The following PCDHGA8 variants were observed in gnomAD, a reference collection of about 807,000 sequenced individuals.
PCDHGA8 encodes protocadherin gamma-A8.
PCDHGA8 carries 45 observed loss-of-function variants against 59.2 expected under a neutral mutation model. The observed-to-expected ratio is 0.76, with a 90% CI of 0.60 to 0.98. The LOEUF is 0.98. Among genes scored for constraint, PCDHGA8 ranks in the 50% least tolerant of loss-of-function variants. PCDHGA8 has a pLI of 0.00. For missense variants in PCDHGA8, 1,257 were observed against 1,196.2 expected (o/e 1.05, Z -0.75); for synonymous variants, 531 against 519.0 (o/e 1.02, Z -0.32).
chr5:141,436,384 C>A lies in PCDHGA8; in HGVS notation c.2424+41147C>A, dbSNP rs1048094484. 2.6e-5 allele frequency among the ~76,000 whole-genome samples: 4 copies of A among 152,222 alleles called. 1 individual carries two copies. Among genetic ancestry groups the A allele is most frequent in the Non-Finnish European group, 4.4e-5 (3 of 67,978 alleles). On this transcript the variant is annotated intron_variant, in intron 1 of 3. Coordinates refer to ENST00000398604, the MANE Select transcript of PCDHGA8 (RefSeq NM_032088.2). The stretch of plus-strand genomic sequence containing the variant: ...ATGTTTCCAGTTTAAGCTGAATAGG[C>A]TTTATTAAATAGTTGTTGAATGAAT...
Position 141,417,818 on chromosome 5 carries a change from C to T in PCDHGA8, c.2424+22581C>T, listed in dbSNP as rs59981184. 5.7e-4 allele frequency: 859 copies of T among 1,512,530 alleles called. 1 individual carries two copies. The African/African-American group carries it at 0.011, about 19-fold the overall frequency. 93.7% of individuals were successfully genotyped at this position (1,512,530 alleles called of 1,614,324 possible). On this transcript the variant is annotated intron_variant, in intron 1 of 3. Coordinates refer to ENST00000398604, the MANE Select transcript of PCDHGA8 (RefSeq NM_032088.2). ...TTTAGCGCGGTAGAGTGCACTTTCTCCAACTGGAAAAGCGGGGACCCAGCG... is the reference window on the plus strand; with the variant it reads ...TTTAGCGCGGTAGAGTGCACTTTCTTCAACTGGAAAAGCGGGGACCCAGCG...
chr5:141,428,227 A>T (rs2154552643), intron 1 of PCDHGA8: 1 of 1,100,784 alleles, frequency 9.1e-7, no homozygotes, highest in Admixed American at 1.9e-5. Context: ...CTTCGCAGAC[A>T]GCCTGCAGGA....
Position 141,476,562 on chromosome 5 carries a change from C to G in PCDHGA8, c.2425-18245C>G. 1 of 1,614,218 alleles carries G rather than the reference C, an allele frequency of 6.2e-7. No individual in the cohort carries two copies. The highest frequency in any genetic ancestry group is 1.1e-5 in the South Asian group (1 of 91,088). On this transcript the variant is annotated intron_variant, in intron 1 of 3. Transcript: ENST00000398604. This position sits in a 1 kb window ranked among gnomAD's most constrained non-coding sequence, Gnocchi z 7.6. The stretch of plus-strand genomic sequence containing the variant: ...AAATTGGAGATTAGCGAGGCCGTGG[C>G]TCCGGGGACGCGCTTTCCGCTCGAG...
chr5:141,394,769 C>T lies in PCDHGA8; in HGVS notation c.1956C>T (p.Pro652=). 6.2e-7 allele frequency: 1 copy of T among 1,613,514 alleles called. No homozygotes were observed. Among genetic ancestry groups the T allele is most frequent in the Non-Finnish European group, 8.5e-7 (1 of 1,179,978 alleles). ...TGGCCGTCCAGGACCATGGCCAGCC[C>T]CCTCTCTCCGCCACTGTCACGCTCA... ...LVVAVQDHGQ[P]PLSATVTLTV... is the part of the protein sequence containing the mutation. Residue 652 remains proline, a synonymous_variant, in exon 1 of 4, where the codon CCC becomes CCT. Transcript: ENST00000398604.
At chr5:141,459,108 A>G (rs1240280274) in intron 1 of PCDHGA8, among the ~76,000 whole-genome samples, 1 of 152,216 alleles carries the variant, frequency 6.6e-6, no homozygotes, top group Non-Finnish European at 1.5e-5. Flanking sequence ...ATGCATTTTG[A>G]CAATTGTTTA....
Position 141,477,964 on chromosome 5 carries a change from G to T in PCDHGA8, c.2425-16843G>T, listed in dbSNP as rs2099426491. On this transcript the variant is annotated intron_variant, in intron 1 of 3. Coordinates refer to ENST00000398604, the MANE Select transcript of PCDHGA8 (RefSeq NM_032088.2). The surrounding 1 kb of genome is among the most constrained non-coding windows in gnomAD (Gnocchi z 4.9). Reference sequence around the variant, plus strand: ...ACAGTCTCTTGGGATCCCCTAACCAGAGCCTTTTTGCCATAGGGCTGCACA... The same window carrying T: ...ACAGTCTCTTGGGATCCCCTAACCATAGCCTTTTTGCCATAGGGCTGCACA... 6.2e-7 allele frequency: 1 copy of T among 1,613,978 alleles called. No homozygotes were observed. The highest frequency in any genetic ancestry group is 1.1e-5 in the South Asian group (1 of 91,080).
At chr5:141,448,331 A>T (rs2098582637) in intron 1 of PCDHGA8, among the ~76,000 whole-genome samples, 1 of 152,146 alleles carries the variant, frequency 6.6e-6, no homozygotes, top group Non-Finnish European at 1.5e-5. Flanking sequence ...GAATCTTTAT[A>T]GCCATGTACC....
At position 141,486,257 on chromosome 5, in the gene PCDHGA8, A is replaced by C; in HGVS notation, c.2425-8550A>C. 6.2e-7 allele frequency: 1 copy of C among 1,614,032 alleles called. No individual in the cohort carries two copies. The highest frequency in any genetic ancestry group is 8.5e-7 in the Non-Finnish European group (1 of 1,179,982). On this transcript the variant is annotated intron_variant, in intron 1 of 3. Transcript: ENST00000398604. The surrounding 1 kb of genome is among the most constrained non-coding windows in gnomAD (Gnocchi z 5.0). ...CTCAGAGCTTGGAACCCTCCCCGAG[A>C]GTGCAGAACCTGGCACTGTGGTGGC... is the stretch of plus-strand genomic sequence containing the variant.
Position 141,486,107 on chromosome 5 carries a change from A to T in PCDHGA8, c.2425-8700A>T, listed in dbSNP as rs758269750. ...TCTTTTGGGGCCCCTAGACTTTGAG[A>T]GTGAGAATTACTATGAATTTGATGT... is the stretch of plus-strand genomic sequence containing the variant. On this transcript the variant is annotated intron_variant, in intron 1 of 3. Transcript: ENST00000398604. The surrounding 1 kb of genome is among the most constrained non-coding windows in gnomAD (Gnocchi z 5.0). The T allele has an allele frequency of 6.2e-7, 1 of 1,614,102 alleles. No individual in the cohort carries two copies. Among genetic ancestry groups the T allele is most frequent in the South Asian group, 1.1e-5 (1 of 91,080 alleles).
chr5:141,420,673 A>T (rs1244699899), intron 1 of PCDHGA8, among the ~76,000 whole-genome samples: 5 of 152,208 alleles, frequency 3.3e-5, no homozygotes, highest in Admixed American at 3.3e-4. Flanking sequence ...CTACCTGATG[A>T]TTTTATCGGG....
chr5:141,393,201 A>C lies in PCDHGA8; in HGVS notation c.388A>C (p.Asn130His). ...EIEIIDINDN[N>H]PKFQVEDLEV... ...AGAAATAATTGATATTAACGATAATAACCCAAAATTCCAGGTCGAAGATCT... is the reference window on the plus strand; with the variant it reads ...AGAAATAATTGATATTAACGATAATCACCCAAAATTCCAGGTCGAAGATCT... The change falls in exon 1 of 4, where the codon AAC becomes CAC. Residue 130 changes from asparagine (N) to histidine (H), a missense_variant. Asn to His is a moderately conservative substitution (Grantham distance 68). Transcript: ENST00000398604. The C allele has an allele frequency of 6.2e-7, 1 of 1,613,534 alleles. No individual in the cohort carries two copies. The highest frequency in any genetic ancestry group is 1.7e-5 in the Admixed American group (1 of 60,034).
At chr5:141,421,320 G>T (rs1561793188) in intron 1 of PCDHGA8, 2 of 1,613,786 alleles carry the variant, frequency 1.2e-6, no homozygotes, top group Non-Finnish European at 1.7e-6. Flanking sequence ...GGGCCAGGCA[G>T]ATCCGATATT....
rs769607720 is a variant in PCDHGA8 at position 141,489,346 on chromosome 5, G to A, written c.2425-5461G>A. 4 of 1,611,652 alleles carry A rather than the reference G, an allele frequency of 2.5e-6. No individual in the cohort carries two copies. The highest frequency in any genetic ancestry group is 3.4e-6 in the Non-Finnish European group (4 of 1,178,446). On this transcript the variant is annotated intron_variant, in intron 1 of 3. Transcript: ENST00000398604. The surrounding 1 kb of genome is among the most constrained non-coding windows in gnomAD (Gnocchi z 4.5). Reference sequence around the variant, plus strand: ...GTCTGGGCAGCTTCGTTACTCAGTGGTGGAGGAGTCTGAGCCGGGGACGCT... The same window carrying A: ...GTCTGGGCAGCTTCGTTACTCAGTGATGGAGGAGTCTGAGCCGGGGACGCT...
intron 1 of PCDHGA8, chr5:141,430,780 C>G: frequency 6.6e-7 from 1 of 1,511,476 alleles, no homozygotes; most frequent in Non-Finnish European, 8.8e-7. Context: ...CGCGACTGCA[C>G]CGGGACTACA....
chr5:141,415,654 A>G, intron 1 of PCDHGA8: 1 of 1,573,242 alleles, frequency 6.4e-7, no homozygotes. Flanking sequence ...AAAAAAAAAG[A>G]TTGGTTTTTA....
In PCDHGA8 at chr5:141,477,813, A is replaced by T; in HGVS notation, c.2425-16994A>T. ...ACTGATCGCAATGACAATGCCCCCC[A>T]GGTCCTATATCCTCGGCCAGGTGGG... On this transcript the variant is annotated intron_variant, in intron 1 of 3. Coordinates refer to ENST00000398604, the MANE Select transcript of PCDHGA8 (RefSeq NM_032088.2). The surrounding 1 kb of genome is among the most constrained non-coding windows in gnomAD (Gnocchi z 4.9). The T allele has an allele frequency of 6.2e-7, 1 of 1,614,122 alleles. No homozygotes were observed. The highest frequency in any genetic ancestry group is 1.1e-5 in the South Asian group (1 of 91,084).
intron 1 of PCDHGA8, chr5:141,419,302 C>A: frequency 6.2e-7 from 1 of 1,614,024 alleles, no homozygotes; most frequent in Non-Finnish European, 8.5e-7. Flanking sequence ...ACCCAGACTT[C>A]GGGCTCAACG....
At chr5:141,478,891 A>G (rs1045274228) in intron 1 of PCDHGA8, 10 of 1,122,064 alleles carry the variant, frequency 8.9e-6, no homozygotes, top group Admixed American at 3.1e-5. Context: ...TATCATTTAC[A>G]TTAGGAATAA....
intron 1 of PCDHGA8, among the ~76,000 whole-genome samples, chr5:141,406,616 T>C (rs1226509680): frequency 1.3e-5 from 2 of 152,242 alleles, no homozygotes; most frequent in Non-Finnish European, 2.9e-5. Flanking sequence ...ACATCTTTTA[T>C]TCTCATATCT....
Sources: allele counts gnomAD v4.1 joint callset (sites outside exome capture counted in the v4.1 genomes callset), GRCh38; gene constraint gnomAD v4.1.1; non-coding constraint Gnocchi (gnomAD v3.1); transcripts MANE v1.5; gene names NCBI Gene and HGNC (gene_info 2026-07-23, HGNC 2026-07-21).